Variants in C10orf67 observed in about 807,000 individuals in gnomAD.
C10orf67 encodes the protein uncharacterized protein C10orf67, mitochondrial.
A neutral mutation model predicts 35.6 loss-of-function variants in C10orf67; 60 were observed. The ratio of observed to expected loss-of-function variants is 1.68; its 90% CI spans 1.37 to 2.09. The LOEUF is 2.09. Among genes scored for constraint, C10orf67 ranks in the 30% most tolerant of loss-of-function variants. C10orf67 has a pLI of 0.00. For synonymous variants in C10orf67, 167 were observed against 115.8 expected, an observed-to-expected ratio of 1.44 and a Z score of -2.84; for missense variants, 474 against 330.2, an observed-to-expected ratio of 1.44 and a Z score of -3.38.
In C10orf67 at chr10:23,250,523, A is replaced by G. The variant is rs1842419276; in HGVS notation, c.1281-3T>C. 1.0e-5 allele frequency: 4 copies of G among 398,588 alleles called. No homozygotes were observed. Among genetic ancestry groups the G allele is most frequent in the Middle Eastern group, 6.3e-4 (1 of 1,584 alleles). 24.7% of individuals were successfully genotyped at this position (398,588 alleles called of 1,614,324 possible). Reference sequence around the variant, plus strand: ...GTCGATCAGCTTCCTTCCTAAACCTATAAAAAATTTACAGATGGTTAAATA... The same window carrying G: ...GTCGATCAGCTTCCTTCCTAAACCTGTAAAAAATTTACAGATGGTTAAATA... On this transcript the variant is annotated splice_region_variant and splice_polypyrimidine_tract_variant and intron_variant, in intron 11 of 15. Coordinates refer to ENST00000636213, the MANE Select transcript of C10orf67 (RefSeq NM_001371909.1).
chr10:23,280,851 T>C (rs1452490550), intron 8 of C10orf67, among the ~76,000 whole-genome samples: 1 of 152,242 alleles, frequency 6.6e-6, no homozygotes, highest in East Asian at 1.9e-4. Flanking sequence ...CTATTGCTGC[T>C]AACAAACAAT....
At chr10:23,257,103 T>C (rs1246075746) in intron 10 of C10orf67, among the ~76,000 whole-genome samples, 10 of 152,116 alleles carry the variant, frequency 6.6e-5, no homozygotes, top group Non-Finnish European at 2.9e-5. Flanking sequence ...AAGGGAATGG[T>C]AATTGTCTTG....
chr10:23,344,513 C>G (rs1846060393), intron 1 of C10orf67, 56 bp downstream of exon 1: 3 of 1,491,280 alleles, frequency 2.0e-6, no homozygotes, highest in East Asian at 2.5e-5. Flanking sequence ...AGCCTCCCGC[C>G]GTGCCCCTGG....
chr10:23,302,834 A>T (rs978216587), intron 5 of C10orf67, among the ~76,000 whole-genome samples: 5 of 152,266 alleles, frequency 3.3e-5, no homozygotes, highest in South Asian at 4.1e-4. Context: ...AACAGGAAAA[A>T]CTGAGGGGAA....
Position 23,288,384 on chromosome 10 carries a change from C to G in C10orf67, c.909+1516G>C, listed in dbSNP as rs146060608. ...TAACACAGGAACAGAAAACCAAACA[C>G]CGCATGTTCTCACTCATAAGTAGGA... On this transcript the variant is annotated intron_variant, in intron 7 of 15. Transcript: ENST00000636213. Among the ~76,000 whole-genome samples, 490 of 152,222 alleles carry G rather than the reference C, an allele frequency of 3.2e-3. 14 individuals are homozygous for G. In the East Asian group the frequency reaches 0.05, roughly 15 times the overall value.
chr10:23,210,074 G>A (rs1307139130), intron 15 of C10orf67, among the ~76,000 whole-genome samples: 1 of 151,362 alleles, frequency 6.6e-6, no homozygotes, highest in Non-Finnish European at 1.5e-5. Flanking sequence ...GGTCAAGTGA[G>A]ATGAGGACTA....
intron 15 of C10orf67, among the ~76,000 whole-genome samples, chr10:23,209,856 T>C (rs1841259625): frequency 6.6e-6 from 1 of 151,732 alleles, no homozygotes. Flanking sequence ...AAAAACTTAC[T>C]GGGCGTGGTG....
At chr10:23,224,525 G>A (rs191421821) in intron 13 of C10orf67, among the ~76,000 whole-genome samples, 618 of 152,314 alleles carry the variant, frequency 4.1e-3, no homozygotes, top group African/African-American at 0.014. Context: ...AAAGCGGGAC[G>A]GAGAATGACT....
Position 23,310,969 on chromosome 10 carries a change from A to AT in C10orf67, c.547-7511dup, listed in dbSNP as rs140964191. Reference sequence around the variant, plus strand: ...TTCAAAGAACATCCTGCTGGCATCTATTTTTTTTTTCTTTTTAGATAGGGT... The same window carrying AT: ...TTCAAAGAACATCCTGCTGGCATCTATTTTTTTTTTTCTTTTTAGATAGGGT... On this transcript the variant is annotated intron_variant, in intron 4 of 15. Coordinates refer to ENST00000636213, the MANE Select transcript of C10orf67 (RefSeq NM_001371909.1). Among the ~76,000 whole-genome samples the AT allele has an allele frequency of 5.6e-3, 836 of 149,278 alleles. 14 individuals carry two copies. Among genetic ancestry groups the AT allele is most frequent in the East Asian group, 0.049 (249 of 5,108 alleles).
At chr10:23,292,127 C>T (rs931372744) in intron 5 of C10orf67, among the ~76,000 whole-genome samples, 12 of 147,626 alleles carry the variant, frequency 8.1e-5, no homozygotes, top group African/African-American at 1.7e-4. Context: ...CTTTTTCTTA[C>T]GCAATAGACG....
intron 10 of C10orf67, among the ~76,000 whole-genome samples, chr10:23,263,918 T>G (rs1464762385): frequency 6.6e-6 from 1 of 152,206 alleles, no homozygotes; most frequent in Non-Finnish European, 1.5e-5. Context: ...TCATATCGTA[T>G]TTTTCAGACT....
intron 5 of C10orf67, among the ~76,000 whole-genome samples, chr10:23,298,745 G>C (rs1403906226): frequency 6.6e-6 from 1 of 152,296 alleles, no homozygotes; most frequent in African/African-American, 2.4e-5. Flanking sequence ...GCAGAGCTGA[G>C]CTTTTGGTTT....
intron 1 of C10orf67, among the ~76,000 whole-genome samples, chr10:23,343,175 G>A (rs1189552139): frequency 6.6e-6 from 1 of 152,220 alleles, no homozygotes; most frequent in East Asian, 1.9e-4. Flanking sequence ...GTCTGAGTGT[G>A]TCTCCTGAAA....
intron 4 of C10orf67, among the ~76,000 whole-genome samples, chr10:23,315,693 G>A (rs1171335539): frequency 1.3e-5 from 2 of 152,068 alleles, no homozygotes; most frequent in African/African-American, 2.4e-5. Flanking sequence ...TGCCTGCCTC[G>A]GCCCCCCACA....
intron 15 of C10orf67, among the ~76,000 whole-genome samples, chr10:23,218,416 G>A (rs1273979211): frequency 6.8e-6 from 1 of 146,640 alleles, no homozygotes; most frequent in African/African-American, 2.5e-5. Context: ...CCAAAGTATT[G>A]GGATTACAGG....
At chr10:23,318,050 T>A (rs1199846142) in intron 4 of C10orf67, 1 of 132,040 alleles carries the variant, frequency 7.6e-6, no homozygotes, top group Non-Finnish European at 1.5e-5. Context: ...TACAGTGAGC[T>A]ATGAGCACAC....
At chr10:23,221,868 T>C (rs1480777427) in intron 15 of C10orf67, among the ~76,000 whole-genome samples, 1 of 152,220 alleles carries the variant, frequency 6.6e-6, no homozygotes. Flanking sequence ...AAATTTTTGT[T>C]AACTGGATTA....
At chr10:23,313,085 A>G (rs1372711108) in intron 4 of C10orf67, among the ~76,000 whole-genome samples, 2 of 152,070 alleles carry the variant, frequency 1.3e-5, no homozygotes, top group African/African-American at 4.8e-5. Context: ...CATCTCCCCC[A>G]AATATTCATT....
At chr10:23,257,775 C>A (rs779885719) in intron 10 of C10orf67, among the ~76,000 whole-genome samples, 30 of 150,806 alleles carry the variant, frequency 2.0e-4, no homozygotes, top group Non-Finnish European at 4.0e-4. Context: ...TGCACTCCAA[C>A]CTGGGTGACA....
Sources: gnomAD v4.1 joint callset for allele counts (sites outside exome capture counted in the v4.1 genomes callset) on GRCh38, gnomAD v4.1.1 for gene constraint, MANE v1.5 for transcripts, NCBI Gene and HGNC (gene_info 2026-07-23, HGNC 2026-07-21) for gene names.